The following DLGAP2 variants were observed in gnomAD, a reference collection of about 807,000 sequenced individuals.
DLGAP2 encodes disks large-associated protein 2.
A neutral mutation model predicts 100.3 loss-of-function variants in DLGAP2; 26 were observed. The observed-to-expected ratio is 0.26, with a 90% CI of 0.19 to 0.36. The LOEUF (loss-of-function observed/expected upper bound fraction) is 0.36, where lower values mean the gene tolerates loss of function less well. Among genes scored for constraint, DLGAP2 ranks in the 10% least tolerant of loss-of-function variants. DLGAP2 has a pLI of 1.00. For synonymous variants in DLGAP2, 886 were observed against 630.1 expected (o/e 1.41, Z -6.08); for missense variants, 1,858 against 1,453.2 (o/e 1.28, Z -4.53).
intron 2 of DLGAP2, among the ~76,000 whole-genome samples, chr8:1,153,318 A>G (rs1796728362): frequency 6.6e-6 from 1 of 152,176 alleles, no homozygotes. Flanking sequence ...GCTATGCCTA[A>G]ATCATAACTT....
At chr8:1,421,872 A>C (rs1258665927) in intron 3 of DLGAP2, among the ~76,000 whole-genome samples, 1 of 152,206 alleles carries the variant, frequency 6.6e-6, no homozygotes, top group East Asian at 1.9e-4. Flanking sequence ...GCTCTGAGGC[A>C]GGAGAATCAC....
At chr8:1,298,296 A>T (rs1800239656) in intron 3 of DLGAP2, among the ~76,000 whole-genome samples, 1 of 152,270 alleles carries the variant, frequency 6.6e-6, no homozygotes. Context: ...TAAACCCCCC[A>T]TACACCAAAT....
intron 2 of DLGAP2, among the ~76,000 whole-genome samples, chr8:1,162,918 G>C (rs1012055209): frequency 6.6e-6 from 1 of 152,208 alleles, no homozygotes. Flanking sequence ...CTTGTCCTCC[G>C]TTTGCTCAGC....
intron 1 of DLGAP2, among the ~76,000 whole-genome samples, chr8:762,863 A>G (rs1184777455): frequency 6.6e-6 from 1 of 151,996 alleles, no homozygotes; most frequent in Non-Finnish European, 1.5e-5. Context: ...TTTTTTGTAG[A>G]TACAGAGTTT....
intron 2 of DLGAP2, among the ~76,000 whole-genome samples, chr8:1,050,796 T>G (rs1201771671): frequency 6.6e-6 from 1 of 152,186 alleles, no homozygotes; most frequent in Non-Finnish European, 1.5e-5. Flanking sequence ...AAACCTTGAG[T>G]CAGGAGGTCT....
intron 5 of DLGAP2, among the ~76,000 whole-genome samples, chr8:1,556,453 G>C (rs1302634088): frequency 6.6e-6 from 1 of 152,164 alleles, no homozygotes; most frequent in Non-Finnish European, 1.5e-5. Flanking sequence ...GTGTGCAGCT[G>C]GGCGGAGTCC....
intron 2 of DLGAP2, among the ~76,000 whole-genome samples, chr8:1,009,855 G>A (rs1156965368): frequency 6.6e-6 from 1 of 152,144 alleles, no homozygotes; most frequent in Non-Finnish European, 1.5e-5. Context: ...AATATCAAAT[G>A]CCCATTTATC....
At chr8:1,449,976 GACTGAGGCGGA>G (rs2130104879) in intron 3 of DLGAP2, among the ~76,000 whole-genome samples, 1 of 78,464 alleles carries the variant, frequency 1.3e-5, no homozygotes, top group African/African-American at 5.9e-5. Context: ...CGGCCTCGGT[GACTGAGGCGGA>G]GCTGTGAGGG....
intron 3 of DLGAP2, among the ~76,000 whole-genome samples, chr8:1,459,023 A>T (rs1487942200): frequency 6.6e-6 from 1 of 151,774 alleles, no homozygotes; most frequent in Admixed American, 6.6e-5. Flanking sequence ...CGTCCCAGAC[A>T]GGAGTGACAG....
intron 3 of DLGAP2, among the ~76,000 whole-genome samples, chr8:1,311,582 T>A (rs1800615393): frequency 6.6e-6 from 1 of 152,194 alleles, no homozygotes; most frequent in Non-Finnish European, 1.5e-5. Flanking sequence ...AGACTTGTCA[T>A]CAGGTGGGAT....
At chr8:1,040,441 C>T (rs570466286) in intron 2 of DLGAP2, among the ~76,000 whole-genome samples, 17 of 147,876 alleles carry the variant, frequency 1.1e-4, no homozygotes, top group Non-Finnish European at 2.1e-4. Context: ...TGTGCGTGGT[C>T]GGCTCAGTTT....
intron 2 of DLGAP2, among the ~76,000 whole-genome samples, chr8:1,202,581 T>G (rs1425899308): frequency 6.6e-6 from 1 of 151,960 alleles, no homozygotes; most frequent in Non-Finnish European, 1.5e-5. Context: ...AGATGGGAGG[T>G]GTGGAGACAC....
intron 3 of DLGAP2, among the ~76,000 whole-genome samples, chr8:1,483,715 G>GGGGACCAGGGAGGCAGGTGCAGGACGT (rs1799168253): frequency 6.6e-6 from 1 of 150,724 alleles, no homozygotes; most frequent in Non-Finnish European, 1.5e-5. Flanking sequence ...TGCAGGACGT[G>GGGGACCAGGGAGGCAGGTGCAGGACGT]GGGACCAGGA....
chr8:1,241,853 T>G (rs1305800671), intron 2 of DLGAP2, among the ~76,000 whole-genome samples: 1 of 152,238 alleles, frequency 6.6e-6, no homozygotes, highest in Non-Finnish European at 1.5e-5. Context: ...CACAACTTGA[T>G]ATTGTAGAGA....
intron 1 of DLGAP2, chr8:740,227 G>T (rs1308679993): frequency 2.6e-5 from 4 of 152,164 alleles, no homozygotes; most frequent in African/African-American, 9.7e-5. Context: ...AGCTTTCTCA[G>T]CACGAAGATG....
intron 2 of DLGAP2, among the ~76,000 whole-genome samples, chr8:914,542 A>T (rs1298713902): frequency 6.6e-6 from 1 of 152,218 alleles, no homozygotes; most frequent in Non-Finnish European, 1.5e-5. Flanking sequence ...CTGAGTGGAA[A>T]AATGTGACCC....
At chr8:770,265 G>A (rs1231803348) in intron 1 of DLGAP2, among the ~76,000 whole-genome samples, 8 of 152,094 alleles carry the variant, frequency 5.3e-5, no homozygotes, top group Admixed American at 3.3e-4. Flanking sequence ...TGCGTGCGTG[G>A]CGTGCGTGGC....
chr8:809,458 GT>G (rs11464466), intron 1 of DLGAP2, among the ~76,000 whole-genome samples: 43 of 145,920 alleles, frequency 2.9e-4, no homozygotes, highest in South Asian at 1.3e-3. Context: ...TCTCTGGCAG[GT>G]TTTTTTTTTT....
At chr8:763,957 C>T (rs908890675) in intron 1 of DLGAP2, among the ~76,000 whole-genome samples, 1 of 152,120 alleles carries the variant, frequency 6.6e-6, no homozygotes, top group Non-Finnish European at 1.5e-5. Flanking sequence ...GGGCCAGGGC[C>T]TTTACTGTGT....
Sources: allele counts gnomAD v4.1 joint callset (sites outside exome capture counted in the v4.1 genomes callset), GRCh38; gene constraint gnomAD v4.1.1; transcripts MANE v1.5; gene names NCBI Gene and HGNC (gene_info 2026-07-23, HGNC 2026-07-21).